Variants in MRPL48 observed in about 807,000 individuals in gnomAD.
The protein encoded by MRPL48 is large ribosomal subunit protein mL48.
In MRPL48, 16 loss-of-function variants were observed where a neutral mutation model predicts 32.9. That is an observed-to-expected ratio of 0.49 (90% CI 0.33 to 0.74). MRPL48 has a LOEUF of 0.74. MRPL48 is among the 30% of genes least tolerant of loss of function. MRPL48 has a pLI of 0.02. For synonymous variants in MRPL48, 94 were observed against 89.2 expected (o/e 1.05, Z -0.31); for missense variants, 206 against 245.3 (o/e 0.84, Z 1.07).
intron 3 of MRPL48, among the ~76,000 whole-genome samples, chr11:73,822,056 A>G (rs977456524): frequency 1.6e-4 from 25 of 152,158 alleles, no homozygotes; most frequent in Admixed American, 1.6e-3. Flanking sequence ...TATCAGCTCC[A>G]TGGGTGGGTC....
At chr11:73,805,759 A>T (rs1947440062) in intron 2 of MRPL48, among the ~76,000 whole-genome samples, 1 of 150,638 alleles carries the variant, frequency 6.6e-6, no homozygotes, top group South Asian at 2.1e-4. Context: ...CCCATGCTCA[A>T]GTGGTTCTTC....
Position 73,864,482 on chromosome 11 carries a change from C to A in MRPL48, c.*112C>A. 2.8e-6 allele frequency: 3 copies of A among 1,055,282 alleles called. No individual in the cohort carries two copies. The highest frequency in any genetic ancestry group is 1.4e-5 in the South Asian group (1 of 72,536). 65.4% of individuals were successfully genotyped at this position (1,055,282 alleles called of 1,614,324 possible). ...CCAACCCTTAGATTTCATAAGTACC[C>A]ATTCCCATAGCCAGTAATGTCCTCA... On this transcript the variant is annotated 3_prime_UTR_variant, in exon 8 of 8. Coordinates refer to ENST00000310614, the MANE Select transcript of MRPL48 (RefSeq NM_016055.6).
intron 3 of MRPL48, among the ~76,000 whole-genome samples, chr11:73,815,877 C>T (rs1031754678): frequency 4.0e-5 from 6 of 149,944 alleles, no homozygotes; most frequent in African/African-American, 1.5e-4. Flanking sequence ...GCCTGTGCCA[C>T]CATGCTTGAC....
intron 5 of MRPL48, among the ~76,000 whole-genome samples, chr11:73,846,390 C>T (rs1948287557): frequency 6.6e-6 from 1 of 152,090 alleles, no homozygotes; most frequent in Non-Finnish European, 1.5e-5. Context: ...GCAATCTTAG[C>T]TCCCTGCAAC....
At chr11:73,837,397 G>T (rs1225320527) in intron 4 of MRPL48, among the ~76,000 whole-genome samples, 1 of 152,110 alleles carries the variant, frequency 6.6e-6, no homozygotes, top group Non-Finnish European at 1.5e-5. Context: ...GTAGAATTAG[G>T]GGGAAGGAGA....
Position 73,849,772 on chromosome 11 carries a change from C to A in MRPL48, c.371+4796C>A, listed in dbSNP as rs373149147. 2.2e-4 allele frequency among the ~76,000 whole-genome samples: 34 copies of A among 152,226 alleles called. 4 individuals carry two copies. Among genetic ancestry groups the A allele is most frequent in the Admixed American group, 1.8e-3 (28 of 15,286 alleles). Reference sequence around the variant, plus strand: ...TTCTCTAGGAGTATGATTGTTGAGTCAAATAGTAAGTGAAGTATATGTTTG... The same window carrying A: ...TTCTCTAGGAGTATGATTGTTGAGTAAAATAGTAAGTGAAGTATATGTTTG... On this transcript the variant is annotated intron_variant, in intron 5 of 7. Transcript: ENST00000310614.
At chr11:73,838,701 TTGG>T (rs1948142883) in intron 4 of MRPL48, among the ~76,000 whole-genome samples, 1 of 152,156 alleles carries the variant, frequency 6.6e-6, no homozygotes, top group South Asian at 2.1e-4. Context: ...TGCCTGCATG[TTGG>T]TGGTTGGTTT....
At chr11:73,844,105 A>G (rs894919953) in intron 4 of MRPL48, among the ~76,000 whole-genome samples, 1 of 151,732 alleles carries the variant, frequency 6.6e-6, no homozygotes, top group Non-Finnish European at 1.5e-5. Context: ...TGGGGGGCTC[A>G]TAGACCCCTT....
chr11:73,832,893 T>C (rs1202658786), intron 4 of MRPL48, among the ~76,000 whole-genome samples: 1 of 152,170 alleles, frequency 6.6e-6, no homozygotes, highest in African/African-American at 2.4e-5. Flanking sequence ...GTATCCATGA[T>C]GCTCAGGTGA....
intron 5 of MRPL48, among the ~76,000 whole-genome samples, chr11:73,855,176 T>G (rs1448465597): frequency 1.3e-5 from 2 of 152,106 alleles, no homozygotes; most frequent in Non-Finnish European, 2.9e-5. Context: ...AACCTACTTT[T>G]TTTCCTAATT....
intron 3 of MRPL48, among the ~76,000 whole-genome samples, chr11:73,817,030 C>G (rs1419870041): frequency 6.6e-6 from 1 of 151,654 alleles, no homozygotes; most frequent in Non-Finnish European, 1.5e-5. Flanking sequence ...CGGGGTTTCA[C>G]CATGTTGGCC....
intron 1 of MRPL48, among the ~76,000 whole-genome samples, chr11:73,794,071 C>T (rs1251785065): frequency 6.6e-6 from 1 of 151,802 alleles, no homozygotes; most frequent in African/African-American, 2.4e-5. Flanking sequence ...CCTTTAGTCC[C>T]AGCTACTCGG....
chr11:73,807,090 G>A (rs1158290937), intron 2 of MRPL48, among the ~76,000 whole-genome samples: 1 of 151,900 alleles, frequency 6.6e-6, no homozygotes, highest in African/African-American at 2.4e-5. Context: ...GGCTAGTTTC[G>A]AACTCCTGAC....
intron 3 of MRPL48, among the ~76,000 whole-genome samples, chr11:73,810,521 C>CA (rs1414868683): frequency 6.7e-6 from 1 of 148,582 alleles, no homozygotes; most frequent in Non-Finnish European, 1.5e-5. Context: ...AACTCTGACT[C>CA]AAAAAAGAAA....
At chr11:73,861,962 G>C (rs1051848121) in intron 6 of MRPL48, among the ~76,000 whole-genome samples, 7 of 152,118 alleles carry the variant, frequency 4.6e-5, no homozygotes, top group Non-Finnish European at 1.0e-4. Context: ...TCAGGTCCTG[G>C]TATGCCTGGA....
chr11:73,796,524 C>A (rs1054796590), intron 1 of MRPL48, among the ~76,000 whole-genome samples: 1 of 152,242 alleles, frequency 6.6e-6, no homozygotes, highest in East Asian at 1.9e-4. Context: ...GGCAGCTCAG[C>A]AGTGGCCTGC....
intron 4 of MRPL48, among the ~76,000 whole-genome samples, chr11:73,833,452 C>G (rs1204783554): frequency 6.6e-6 from 1 of 152,044 alleles, no homozygotes; most frequent in Non-Finnish European, 1.5e-5. Flanking sequence ...TCTAAAAGTA[C>G]TTTGGCATCC....
At chr11:73,800,530 G>A (rs946275844) in intron 1 of MRPL48, among the ~76,000 whole-genome samples, 8 of 152,062 alleles carry the variant, frequency 5.3e-5, no homozygotes, top group Non-Finnish European at 8.8e-5. Flanking sequence ...CCTGGCTCAT[G>A]GGAGTATTTT....
At chr11:73,791,528 C>T (rs529020783) in intron 1 of MRPL48, among the ~76,000 whole-genome samples, 41 of 152,176 alleles carry the variant, frequency 2.7e-4, no homozygotes, top group Middle Eastern at 3.4e-3. Flanking sequence ...GCGATCCTCT[C>T]GCCTTAGCCT....
Sources: gnomAD v4.1 joint callset for allele counts (sites outside exome capture counted in the v4.1 genomes callset) on GRCh38, gnomAD v4.1.1 for gene constraint, MANE v1.5 for transcripts, NCBI Gene and HGNC (gene_info 2026-07-23, HGNC 2026-07-21) for gene names.